OCM2: variants seen among roughly 807,000 people sequenced by gnomAD.
OCM2 encodes oncomodulin-2.
A neutral mutation model predicts 13.6 loss-of-function variants in OCM2; 6 were observed. The observed-to-expected ratio is 0.44, with a 90% CI of 0.24 to 0.87. The LOEUF (loss-of-function observed/expected upper bound fraction) is 0.87, where lower values mean the gene tolerates loss of function less well. Ranked by LOEUF, OCM2 falls within the 40% of genes least tolerant of loss-of-function variation. The pLI is 0.22. For missense variants in OCM2, 118 were observed against 136.8 expected (o/e 0.86, Z 0.68); for synonymous variants, 40 against 50.7 (o/e 0.79, Z 0.90).
intron 1 of OCM2, 28 bp downstream of exon 1, chr7:97,990,016 T>TGC: frequency 1.1e-4 from 121 of 1,083,794 alleles, no homozygotes; most frequent in Non-Finnish European, 1.6e-4. Flanking sequence ...TGTGAGGAAA[T>TGC]CCCACCCCCG....
chr7:97,985,339 A>G (rs1271963532), intron 3 of OCM2, among the ~76,000 whole-genome samples: 4 of 150,872 alleles, frequency 2.7e-5, no homozygotes, highest in Non-Finnish European at 5.9e-5. Context: ...GAATCACTTG[A>G]ACCTGGGAGG....
chr7:97,987,338 TTTTG>T (rs1196524754), intron 2 of OCM2, among the ~76,000 whole-genome samples, 182 bp from the exon 3 acceptor site: 7 of 151,986 alleles, frequency 4.6e-5, no homozygotes, highest in East Asian at 3.9e-4. Flanking sequence ...ATTTTTAAGG[TTTTG>T]TTTGTTTGTT....
At chr7:97,988,664 G>A in intron 1 of OCM2, 116 bp from the exon 2 acceptor site, 1 of 1,390,906 alleles carries the variant, frequency 7.2e-7, no homozygotes, top group Non-Finnish European at 1.0e-6. Context: ...TGAGCTACGG[G>A]GATGCTCAAC....
At chr7:97,990,020 A>AC in intron 1 of OCM2, 24 bp downstream of exon 1, 1 of 644,626 alleles carries the variant, frequency 1.6e-6, no homozygotes, top group Non-Finnish European at 2.7e-6. Flanking sequence ...AGGAAATCCC[A>AC]CCCCCGCCCC....
intron 1 of OCM2, 27 bp downstream of exon 1, chr7:97,990,017 C>CGG: frequency 9.5e-6 from 6 of 629,606 alleles, no homozygotes; most frequent in East Asian, 4.1e-5. Flanking sequence ...GTGAGGAAAT[C>CGG]CCACCCCCGC....
At chr7:97,987,090 C>G (rs774453717) in exon 3 of OCM2, 3 of 1,613,862 alleles carry the variant, frequency 1.9e-6, no homozygotes, top group East Asian at 4.5e-5. Flanking sequence ...CCGCCGCAGC[C>G]ATCAAGGACT....
At chr7:97,990,089 C>G in exon 1 of OCM2, 1 of 1,609,560 alleles carries the variant, frequency 6.2e-7, no homozygotes. Flanking sequence ...GCACTGAGCA[C>G]GTCCGTGATG....
Position 97,989,055 on chromosome 7 carries a change from C to T in OCM2, c.62-507G>A, listed in dbSNP as rs563192719. 4.1e-4 allele frequency among the ~76,000 whole-genome samples: 63 copies of T among 151,824 alleles called. 1 individual carries two copies. The South Asian group carries it at 0.013, about 30-fold the overall frequency. ...AACTGATTCTCCTGCCTCAGCCTCC[C>T]GAGTAGCTGGGATTACAGGCATGCA... On this transcript the variant is annotated intron_variant, in intron 1 of 3. Coordinates refer to ENST00000257627, the Ensembl canonical transcript of OCM2.
intron 1 of OCM2, among the ~76,000 whole-genome samples, chr7:97,989,617 A>G (rs1794710760): frequency 6.6e-6 from 1 of 151,806 alleles, no homozygotes; most frequent in South Asian, 2.1e-4. Flanking sequence ...TATGTTGCCC[A>G]GGCTGGTCTC....
At chr7:97,989,308 T>A (rs1584171803) in intron 1 of OCM2, among the ~76,000 whole-genome samples, 1 of 152,074 alleles carries the variant, frequency 6.6e-6, no homozygotes, top group Non-Finnish European at 1.5e-5. Flanking sequence ...AGATCCCAGA[T>A]CTCTATAATT....
Position 97,990,030 on chromosome 7 carries a change from C to CCCA in OCM2, c.61+13_61+14insTGG. 6.4e-7 allele frequency: 1 copy of CCCA among 1,571,176 alleles called. No individual in the cohort carries two copies. Among genetic ancestry groups the CCCA allele is most frequent in the Admixed American group, 1.7e-5 (1 of 59,736 alleles). On this transcript the variant is annotated intron_variant, in intron 1 of 3. Transcript: ENST00000257627. The stretch of plus-strand genomic sequence containing the variant: ...CTGTGAGGAAATCCCACCCCCGCCC[C>CCCA]ACGTCCCCTCTACCTTGGCATTCCT...
intron 1 of OCM2, 28 bp downstream of exon 1, chr7:97,990,016 T>TGCCCCCCC: frequency 2.1e-4 from 223 of 1,083,742 alleles, no homozygotes; most frequent in Non-Finnish European, 2.8e-4. Flanking sequence ...TGTGAGGAAA[T>TGCCCCCCC]CCCACCCCCG....
At chr7:97,988,314 C>T (rs1035030510) in intron 2 of OCM2, 102 bp downstream of exon 2, 34 of 1,447,212 alleles carry the variant, frequency 2.3e-5, no homozygotes, top group African/African-American at 2.8e-5. Flanking sequence ...ATGACCAACA[C>T]CAAGGCTGGC....
chr7:97,986,455 A>T (rs1322594929), intron 3 of OCM2, among the ~76,000 whole-genome samples: 2 of 152,176 alleles, frequency 1.3e-5, no homozygotes, highest in Non-Finnish European at 2.9e-5. Context: ...TGACAAAATC[A>T]AGTGAAAATA....
exon 1 of OCM2, chr7:97,990,100 C>T (rs2116143399): frequency 6.2e-7 from 1 of 1,610,616 alleles, no homozygotes; most frequent in Middle Eastern, 1.7e-4. Flanking sequence ...GTCCGTGATG[C>T]TCATTTTCTA....
intron 3 of OCM2, among the ~76,000 whole-genome samples, chr7:97,986,720 C>T (rs117054487): frequency 0.028 from 4,223 of 152,236 alleles, 89 homozygotes; most frequent in Middle Eastern, 0.085. Flanking sequence ...AAATACCTCG[C>T]GCTATATGCA....
At chr7:97,990,016 T>TGGCG in intron 1 of OCM2, 28 bp downstream of exon 1, 10 of 1,083,828 alleles carry the variant, frequency 9.2e-6, no homozygotes, top group Non-Finnish European at 1.4e-5. Flanking sequence ...TGTGAGGAAA[T>TGGCG]CCCACCCCCG....
At chr7:97,990,188 G>C in exon 1 of OCM2, 1 of 1,275,074 alleles carries the variant, frequency 7.8e-7, no homozygotes, top group Non-Finnish European at 1.1e-6. Context: ...CATCTTCCCA[G>C]GCCCACTGAA....
chr7:97,988,290 T>A, intron 2 of OCM2, 126 bp downstream of exon 2: 1 of 1,202,574 alleles, frequency 8.3e-7, no homozygotes, highest in South Asian at 1.5e-5. Flanking sequence ...TTTGCTTTAA[T>A]GATGCTTGGC....
Sources: allele counts gnomAD v4.1 joint callset (sites outside exome capture counted in the v4.1 genomes callset), GRCh38; gene constraint gnomAD v4.1.1; transcripts MANE v1.5; gene names NCBI Gene and HGNC (gene_info 2026-07-23, HGNC 2026-07-21).